LRRC74B: variants seen among roughly 807,000 people sequenced by gnomAD.
LRRC74B encodes leucine rich repeat containing 74B, also known as leucine-rich repeat-containing protein 74B.
In LRRC74B, 30 loss-of-function variants were observed where a neutral mutation model predicts 16.6. The ratio of observed to expected loss-of-function variants is 1.80; its 90% CI spans 1.35 to 2.45. The LOEUF (loss-of-function observed/expected upper bound fraction) is 2.45, where lower values mean the gene tolerates loss of function less well. LRRC74B is among the 30% of genes most tolerant of loss of function. The pLI is 0.00. For missense variants in LRRC74B, 326 were observed against 202.4 expected (o/e 1.61, Z -3.71); for synonymous variants, 134 against 86.0 (o/e 1.56, Z -3.09).
rs948273078 is a variant in LRRC74B at position 21,060,436 on chromosome 22, C to T, written c.1087C>T (p.Leu363Phe). Residue 363 changes from leucine to phenylalanine, a missense_variant, in exon 9 of 9, where the codon CTC becomes TTC. Transcript: ENST00000442047. ...CTCAGTGAGGGGAATTCTTCCAGAACTCTGCATAAAGACTGGCGCTTGCAG... is the reference window on the plus strand; with the variant it reads ...CTCAGTGAGGGGAATTCTTCCAGAATTCTGCATAAAGACTGGCGCTTGCAG... The T allele has an allele frequency of 1.7e-5, 12 of 716,966 alleles. No homozygotes were observed. The Admixed American group carries it at 2.4e-4, about 14-fold the overall frequency. The allele number at this position is 716,966 out of a possible 1,614,324, so 44.4% of individuals were successfully genotyped here.
chr22:21,060,746 A>T (rs1384985582), downstream of LRRC74B, among the ~76,000 whole-genome samples: 1 of 152,072 alleles, frequency 6.6e-6, no homozygotes, highest in African/African-American at 2.4e-5. Flanking sequence ...CATTCCTGTC[A>T]CACAAACCCC....
At chr22:21,055,255 C>T (rs900488913) in intron 7 of LRRC74B, 79 bp downstream of exon 7, 1 of 675,406 alleles carries the variant, frequency 1.5e-6, no homozygotes, top group Non-Finnish European at 2.7e-6. Context: ...CCCCACAGCC[C>T]CCACCCAGGG....
chr22:21,052,589 C>G (rs1268699768), intron 5 of LRRC74B, among the ~76,000 whole-genome samples: 1 of 152,222 alleles, frequency 6.6e-6, no homozygotes, highest in African/African-American at 2.4e-5. Context: ...ATATCTTGCA[C>G]CTTCCCCAGA....
chr22:21,061,585 T>C (rs1930808226), downstream of LRRC74B: 1 of 152,206 alleles, frequency 6.6e-6, no homozygotes, highest in Non-Finnish European at 1.5e-5. Flanking sequence ...TTGCTTGAGC[T>C]CAGGAGTTGG....
Position 21,055,184 on chromosome 22 carries a change from C to A in LRRC74B, c.927+8C>A, listed in dbSNP as rs1451853364. 3 of 714,754 alleles carry A rather than the reference C, an allele frequency of 4.2e-6. No individual in the cohort carries two copies. The highest frequency in any genetic ancestry group is 7.8e-6 in the Non-Finnish European group (3 of 384,900). 44.3% of individuals were successfully genotyped at this position (714,754 alleles called of 1,614,324 possible). ...ACGCTGAGGATTCTTGTAGTGAGTGCTAGCCTGATGACTGAGACACCAGCA... is the reference window on the plus strand; with the variant it reads ...ACGCTGAGGATTCTTGTAGTGAGTGATAGCCTGATGACTGAGACACCAGCA... On this transcript the variant is annotated splice_region_variant and intron_variant, in intron 7 of 8. Transcript: ENST00000442047.
At chr22:21,050,313 G>A (rs1466247746) in intron 4 of LRRC74B, among the ~76,000 whole-genome samples, 1 of 150,994 alleles carries the variant, frequency 6.6e-6, no homozygotes, top group African/African-American at 2.4e-5. Context: ...GCGATTACAG[G>A]TGTGGGCCAC....
At chr22:21,045,974 G>C (rs1929377633), upstream of LRRC74B, 1 of 717,156 alleles carries the variant, frequency 1.4e-6, no homozygotes, top group African/African-American at 1.7e-5. Context: ...GAGACTGCGA[G>C]AGGGTCGTAA....
chr22:21,056,007 C>T (rs1304356619), intron 7 of LRRC74B, among the ~76,000 whole-genome samples: 1 of 152,130 alleles, frequency 6.6e-6, no homozygotes, highest in Admixed American at 6.5e-5. Context: ...CTCCCTTTTC[C>T]ACACCCTCCC....
chr22:21,048,708 C>G (rs1388197600), intron 3 of LRRC74B: 1 of 544,732 alleles, frequency 1.8e-6, no homozygotes, highest in Non-Finnish European at 3.3e-6. Context: ...ACAGCAGTCT[C>G]TACAGTACCA....
At chr22:21,046,184 G>T in intron 1 of LRRC74B, 59 bp downstream of exon 1, 1 of 707,846 alleles carries the variant, frequency 1.4e-6, no homozygotes, top group East Asian at 2.7e-5. Context: ...TCCCGCAGGG[G>T]TTGGGGGAGG....
At chr22:21,048,350 C>T in intron 3 of LRRC74B, 1 of 313,864 alleles carries the variant, frequency 3.2e-6, no homozygotes. Context: ...GGGAGTTGGG[C>T]ATTGTAAGAA....
intron 7 of LRRC74B, 111 bp from the exon 8 acceptor site, chr22:21,056,994 G>A (rs535125373): frequency 3.1e-5 from 20 of 642,016 alleles, no homozygotes; most frequent in Non-Finnish European, 4.8e-5. Context: ...CCGAAACAGT[G>A]TGGCCATAGT....
intron 8 of LRRC74B, among the ~76,000 whole-genome samples, chr22:21,058,015 A>C (rs1271924582): frequency 1.3e-5 from 2 of 149,798 alleles, no homozygotes; most frequent in East Asian, 3.9e-4. Context: ...CCTCCTGAGT[A>C]GCCAGGATTA....
At chr22:21,059,509 C>T (rs1432692067) in intron 8 of LRRC74B, among the ~76,000 whole-genome samples, 1 of 152,052 alleles carries the variant, frequency 6.6e-6, no homozygotes, top group African/African-American at 2.4e-5. Context: ...TTCAGTGAGC[C>T]GAGACCATGC....
At position 21,047,508 on chromosome 22, in the gene LRRC74B, G is replaced by T. The variant is rs1311454355; in HGVS notation, c.282+10G>T. ...TGGCCTGGGGCCCCAGGTACCACTG[G>T]AGGGACACTGTATCCAGGCTTACGG... On this transcript the variant is annotated intron_variant, in intron 2 of 8. Coordinates refer to ENST00000442047, the Ensembl canonical transcript of LRRC74B. 3 of 717,270 alleles carry T rather than the reference G, an allele frequency of 4.2e-6. No individual in the cohort carries two copies. The highest frequency in any genetic ancestry group is 7.8e-6 in the Non-Finnish European group (3 of 384,998). 44.4% of individuals were successfully genotyped at this position (717,270 alleles called of 1,614,324 possible). A position where few individuals can be genotyped will look rare whatever the true frequency, so the allele number is the denominator to read the frequency against.
intron 8 of LRRC74B, 114 bp from the exon 9 acceptor site, chr22:21,060,259 C>T: frequency 1.6e-6 from 1 of 613,304 alleles, no homozygotes. Context: ...GACTGTCATC[C>T]ACAGGGGAGA....
chr22:21,057,473 C>T (rs1240962537), intron 8 of LRRC74B, among the ~76,000 whole-genome samples: 1 of 151,378 alleles, frequency 6.6e-6, no homozygotes, highest in Non-Finnish European at 1.5e-5. Context: ...GGGCATGATG[C>T]TCCCTATCCA....
chr22:21,056,951 C>CAGG, intron 7 of LRRC74B, 154 bp from the exon 8 acceptor site: 1 of 599,044 alleles, frequency 1.7e-6, no homozygotes, highest in South Asian at 2.1e-5. Flanking sequence ...CCAGAGCATT[C>CAGG]TGTCTGACTA....
chr22:21,060,483 G>GCTGCCAGTCTTCAGATCAGCC (rs1930759021), exon 9 of LRRC74B: 1 of 716,270 alleles, frequency 1.4e-6, no homozygotes, highest in Admixed American at 2.0e-5. Flanking sequence ...AAAAGGAGTT[G>GCTGCCAGTCTTCAGATCAGCC]CTGCCAGTCT....
Sources: gnomAD v4.1 joint callset for allele counts (sites outside exome capture counted in the v4.1 genomes callset) on GRCh38, gnomAD v4.1.1 for gene constraint, MANE v1.5 for transcripts, NCBI Gene and HGNC (gene_info 2026-07-23, HGNC 2026-07-21) for gene names.